RARB: variants seen among roughly 807,000 people sequenced by gnomAD.
RARB encodes the protein HBV-activated protein.
In RARB, 17 loss-of-function variants were observed where a neutral mutation model predicts 51.9. That is an observed-to-expected ratio of 0.33 (90% CI 0.22 to 0.49). RARB has a LOEUF of 0.49. RARB is among the 20% of genes least tolerant of loss of function. The pLI, the probability that RARB is intolerant of heterozygous loss-of-function variation, is 0.99. For synonymous variants in RARB, 215 were observed against 195.4 expected, an observed-to-expected ratio of 1.10 and a Z score of -0.84; for missense variants, 369 against 550.8, an observed-to-expected ratio of 0.67 and a Z score of 3.30.
intron 5 of RARB, among the ~76,000 whole-genome samples, chr3:25,199,706 T>A (rs1701342017): frequency 1.3e-5 from 2 of 152,316 alleles, no homozygotes; most frequent in South Asian, 4.1e-4. Context: ...TTTGGTTTCT[T>A]GACCTTGCGA....
At chr3:25,266,517 A>G (rs966197589) in intron 5 of RARB, among the ~76,000 whole-genome samples, 3 of 152,018 alleles carry the variant, frequency 2.0e-5, no homozygotes, top group East Asian at 3.9e-4. Flanking sequence ...TGGTCTCTGT[A>G]CAGAAGTTTA....
chr3:25,039,753 T>C (rs1698075113), intron 2 of RARB, among the ~76,000 whole-genome samples: 1 of 152,204 alleles, frequency 6.6e-6, no homozygotes, highest in Non-Finnish European at 1.5e-5. Context: ...CCCATTCCTG[T>C]TAGAAGTCCC....
chr3:25,088,467 G>T (rs1699140150), intron 3 of RARB, among the ~76,000 whole-genome samples: 1 of 152,084 alleles, frequency 6.6e-6, no homozygotes, highest in South Asian at 2.1e-4. Context: ...GTGGGGTAGG[G>T]GGACTATAGC....
intron 3 of RARB, among the ~76,000 whole-genome samples, chr3:25,548,793 A>G (rs900095903): frequency 1.3e-5 from 2 of 152,100 alleles, no homozygotes; most frequent in African/African-American, 4.8e-5. Context: ...CATTTTTTAT[A>G]TACATTCCCA....
chr3:24,936,081 C>T (rs966924760), intron 2 of RARB, among the ~76,000 whole-genome samples: 6 of 152,060 alleles, frequency 3.9e-5, no homozygotes, highest in Non-Finnish European at 7.4e-5. Flanking sequence ...AGGAAAGCCT[C>T]AGGTTTCCAG....
intron 4 of RARB, among the ~76,000 whole-genome samples, chr3:25,158,107 G>A (rs1026434340): frequency 6.6e-6 from 1 of 152,140 alleles, no homozygotes; most frequent in Admixed American, 6.5e-5. Flanking sequence ...AAACACATAA[G>A]CAGCAAAGAA....
chr3:25,259,659 G>T (rs941539890), intron 5 of RARB, among the ~76,000 whole-genome samples: 1 of 152,168 alleles, frequency 6.6e-6, no homozygotes, highest in Non-Finnish European at 1.5e-5. Context: ...CGTTACAGCA[G>T]CTAGTATGAG....
intron 2 of RARB, among the ~76,000 whole-genome samples, chr3:24,952,763 T>C (rs1695925051): frequency 6.6e-6 from 1 of 152,084 alleles, no homozygotes; most frequent in Admixed American, 6.5e-5. Flanking sequence ...CCCTGATAGA[T>C]TCATTACAAA....
chr3:25,355,164 G>A (rs77529283), intron 5 of RARB, among the ~76,000 whole-genome samples: 6,339 of 152,208 alleles, frequency 0.042, 160 homozygotes, highest in Middle Eastern at 0.061. Flanking sequence ...AGTGCTACAT[G>A]TGTGTTTTTA....
chr3:25,512,023 C>T (rs1485554493), intron 3 of RARB, among the ~76,000 whole-genome samples: 1 of 152,130 alleles, frequency 6.6e-6, no homozygotes, highest in Non-Finnish European at 1.5e-5. Context: ...TGATCTTGGG[C>T]AGGTCACTTA....
At chr3:24,865,467 C>G (rs1225854342) in intron 2 of RARB, among the ~76,000 whole-genome samples, 1 of 152,102 alleles carries the variant, frequency 6.6e-6, no homozygotes, top group Non-Finnish European at 1.5e-5. Flanking sequence ...TCCCCATTTT[C>G]CAGATGAGCA....
At chr3:25,515,113 T>C (rs527963060) in intron 3 of RARB, among the ~76,000 whole-genome samples, 39 of 152,328 alleles carry the variant, frequency 2.6e-4, no homozygotes, top group South Asian at 6.2e-4. Context: ...TTCTTAAGGA[T>C]AATAACGGTG....
intron 5 of RARB, among the ~76,000 whole-genome samples, chr3:25,247,435 C>T (rs1048054198): frequency 3.3e-5 from 5 of 152,178 alleles, no homozygotes; most frequent in Non-Finnish European, 7.3e-5. Context: ...GCTTGAAACT[C>T]GGGGCCCATG....
At chr3:25,427,501 T>C (rs1398982642), upstream of RARB, among the ~76,000 whole-genome samples, 1 of 152,198 alleles carries the variant, frequency 6.6e-6, no homozygotes, top group Non-Finnish European at 1.5e-5. Context: ...TTGACCACTA[T>C]ACTGTTTTTT....
chr3:25,479,578 G>A (rs2125579847), intron 2 of RARB, among the ~76,000 whole-genome samples: 1 of 152,312 alleles, frequency 6.6e-6, no homozygotes, highest in African/African-American at 2.4e-5. Flanking sequence ...GAATTTCATG[G>A]ATTTTAAGGA....
intron 4 of RARB, among the ~76,000 whole-genome samples, chr3:25,143,553 C>G (rs1700142517): frequency 6.6e-6 from 1 of 152,132 alleles, no homozygotes; most frequent in Admixed American, 6.5e-5. Flanking sequence ...GGTACTTTGT[C>G]TTTCAAGCTT....
At chr3:24,861,283 C>A (rs902627566) in intron 2 of RARB, among the ~76,000 whole-genome samples, 1 of 152,072 alleles carries the variant, frequency 6.6e-6, no homozygotes, top group African/African-American at 2.4e-5. Flanking sequence ...AGATTATATG[C>A]AAATACTATG....
At chr3:24,902,991 A>G (rs1261245029) in intron 2 of RARB, among the ~76,000 whole-genome samples, 2 of 152,166 alleles carry the variant, frequency 1.3e-5, no homozygotes, top group African/African-American at 4.8e-5. Context: ...GAGAGAAACA[A>G]GACGCCTCTA....
intron 5 of RARB, among the ~76,000 whole-genome samples, chr3:25,270,017 G>A (rs1036132811): frequency 6.6e-6 from 1 of 152,158 alleles, no homozygotes; most frequent in Non-Finnish European, 1.5e-5. Context: ...AATCATATTG[G>A]CAAGGATGTG....
Sources: gnomAD v4.1 joint callset for allele counts (sites outside exome capture counted in the v4.1 genomes callset) on GRCh38, gnomAD v4.1.1 for gene constraint, MANE v1.5 for transcripts, NCBI Gene and HGNC (gene_info 2026-07-23, HGNC 2026-07-21) for gene names.